Variants in RAB27B observed in about 807,000 individuals in gnomAD.
The protein encoded by RAB27B is RAB27B, member RAS oncogene family.
A neutral mutation model predicts 24.6 loss-of-function variants in RAB27B; 15 were observed. The ratio of observed to expected loss-of-function variants is 0.61; its 90% confidence interval spans 0.41 to 0.94. RAB27B has a LOEUF of 0.94. RAB27B is among the 40% of genes least tolerant of loss of function. RAB27B has a pLI of 0.00. For synonymous variants in RAB27B, 105 were observed against 92.5 expected (o/e 1.14, Z -0.78); for missense variants, 261 against 266.8 (o/e 0.98, Z 0.15).
intron 1 of RAB27B, among the ~76,000 whole-genome samples, chr18:54,843,158 A>C (rs1911184784): frequency 6.6e-6 from 1 of 152,170 alleles, no homozygotes; most frequent in Admixed American, 6.5e-5. Flanking sequence ...ACTGTCTTTC[A>C]AATTCATTTG....
chr18:54,792,495 T>C (rs1385854511), intron 2 of RAB27B, among the ~76,000 whole-genome samples: 1 of 152,196 alleles, frequency 6.6e-6, no homozygotes, highest in Non-Finnish European at 1.5e-5. Flanking sequence ...TTCATTTGCA[T>C]AAACTGAGTA....
intron 2 of RAB27B, among the ~76,000 whole-genome samples, chr18:54,760,742 G>A (rs1908160063): frequency 1.3e-5 from 2 of 152,262 alleles, no homozygotes; most frequent in South Asian, 2.1e-4. Context: ...AAGTGGGCAG[G>A]ATGGCAATTC....
At chr18:54,854,404 T>C (rs560696538) in intron 1 of RAB27B, among the ~76,000 whole-genome samples, 20 of 152,350 alleles carry the variant, frequency 1.3e-4, no homozygotes, top group African/African-American at 4.1e-4. Flanking sequence ...TATGTCCCAT[T>C]CCAACTCTTT....
intron 1 of RAB27B, among the ~76,000 whole-genome samples, chr18:54,871,653 A>G (rs747120390): frequency 1.3e-5 from 2 of 152,010 alleles, no homozygotes; most frequent in Non-Finnish European, 1.5e-5. Context: ...GATCGAGACC[A>G]TCCTGACTAA....
chr18:54,867,444 T>TTC (rs1555666331), intron 1 of RAB27B, among the ~76,000 whole-genome samples: 1 of 96,946 alleles, frequency 1.0e-5, no homozygotes, highest in African/African-American at 3.7e-5. Flanking sequence ...TTTCTTTTCT[T>TTC]TTTTTTTTTT....
At chr18:54,788,901 G>A (rs1378854976) in intron 2 of RAB27B, among the ~76,000 whole-genome samples, 8 of 152,144 alleles carry the variant, frequency 5.3e-5, no homozygotes. Context: ...CAAGGAACTT[G>A]GTAGCACAGG....
intron 2 of RAB27B, among the ~76,000 whole-genome samples, chr18:54,770,097 G>A (rs765124621): frequency 8.6e-5 from 13 of 151,988 alleles, no homozygotes; most frequent in Non-Finnish European, 1.6e-4. Flanking sequence ...CACCTACCTT[G>A]GCCTCCCAAA....
chr18:54,815,370 C>CTCAGCTT (rs1910090422), intron 2 of RAB27B, among the ~76,000 whole-genome samples: 1 of 152,176 alleles, frequency 6.6e-6, no homozygotes, highest in Non-Finnish European at 1.5e-5. Context: ...TGTCAGACTT[C>CTCAGCTT]TCAGCTTTCA....
upstream of RAB27B, among the ~76,000 whole-genome samples, chr18:54,823,579 T>C (rs1265420182): frequency 6.6e-6 from 1 of 152,200 alleles, no homozygotes; most frequent in East Asian, 1.9e-4. Flanking sequence ...AACCCACCTT[T>C]ATTTTTCCTT....
intron 2 of RAB27B, among the ~76,000 whole-genome samples, chr18:54,724,007 C>G (rs1274183886): frequency 7.0e-6 from 1 of 143,758 alleles, no homozygotes; most frequent in African/African-American, 2.5e-5. Context: ...GCATAGTGGC[C>G]AAAATGTGTG....
At chr18:54,737,576 C>T (rs1362152643) in intron 2 of RAB27B, among the ~76,000 whole-genome samples, 2 of 152,088 alleles carry the variant, frequency 1.3e-5, no homozygotes, top group African/African-American at 4.8e-5. Context: ...CTGGGTTTGG[C>T]ATCTTTCTCG....
intron 2 of RAB27B, among the ~76,000 whole-genome samples, chr18:54,804,856 C>T (rs1248204720): frequency 1.5e-4 from 2 of 13,318 alleles, no homozygotes; most frequent in African/African-American, 1.7e-4. Context: ...TTCCTTCCTT[C>T]CTTCCTTTCT....
chr18:54,735,530 C>CT (rs1011946698), intron 2 of RAB27B, among the ~76,000 whole-genome samples: 31 of 151,156 alleles, frequency 2.1e-4, no homozygotes, highest in African/African-American at 7.0e-4. Flanking sequence ...TTTTCTGACA[C>CT]TTTTTTTTTG....
chr18:54,848,114 A>G (rs1911412088), intron 1 of RAB27B, among the ~76,000 whole-genome samples: 1 of 152,242 alleles, frequency 6.6e-6, no homozygotes, highest in Non-Finnish European at 1.5e-5. Context: ...TGATTGGCCA[A>G]ACTCAGTGAC....
intron 2 of RAB27B, among the ~76,000 whole-genome samples, chr18:54,732,048 A>G (rs1484473602): frequency 6.6e-6 from 1 of 152,200 alleles, no homozygotes. Flanking sequence ...CATACTGAGT[A>G]TTGTGTAAGC....
chr18:54,821,187 T>C (rs991753499), intron 2 of RAB27B, among the ~76,000 whole-genome samples: 4 of 152,198 alleles, frequency 2.6e-5, no homozygotes, highest in African/African-American at 9.6e-5. Context: ...CTTCCACAAA[T>C]TCTCAGGATA....
chr18:54,889,465 A>G lies in RAB27B; in HGVS notation c.*52A>G, dbSNP rs1913281509. On this transcript the variant is annotated 3_prime_UTR_variant, in exon 6 of 6. Coordinates refer to ENST00000262094, the MANE Select transcript of RAB27B (RefSeq NM_004163.4). ...AACCCCACCAAAATATTACTTTTAA[A>G]AACAATGACAAACCACACAATTGTT... is the stretch of plus-strand genomic sequence containing the variant. 2.7e-6 allele frequency: 4 copies of G among 1,465,416 alleles called. No individual in the cohort carries two copies. The highest frequency in any genetic ancestry group is 3.7e-6 in the Non-Finnish European group (4 of 1,088,544). 90.8% of individuals were successfully genotyped at this position (1,465,416 alleles called of 1,614,324 possible). A position where few individuals can be genotyped will look rare whatever the true frequency, so the allele number is the denominator to read the frequency against.
chr18:54,810,832 CAAAA>C (rs1401851413), intron 2 of RAB27B, among the ~76,000 whole-genome samples: 6 of 128,746 alleles, frequency 4.7e-5, no homozygotes, highest in African/African-American at 1.8e-4. Flanking sequence ...GACCCTGTCT[CAAAA>C]TAAATAAATA....
chr18:54,774,083 C>T (rs1908641835), intron 2 of RAB27B, among the ~76,000 whole-genome samples: 1 of 152,174 alleles, frequency 6.6e-6, no homozygotes. Context: ...GAGACGCCTT[C>T]AAGAAACTAT....
Sources: gnomAD v4.1 joint callset for allele counts (sites outside exome capture counted in the v4.1 genomes callset) on GRCh38, gnomAD v4.1.1 for gene constraint, MANE v1.5 for transcripts, NCBI Gene and HGNC (gene_info 2026-07-23, HGNC 2026-07-21) for gene names.